The following RGS22 variants were observed in gnomAD, a reference collection of about 807,000 sequenced individuals.
RGS22 encodes regulator of G protein signaling 22.
A neutral mutation model predicts 172.9 loss-of-function variants in RGS22; 148 were observed. The ratio of observed to expected loss-of-function variants is 0.86; its 90% CI spans 0.75 to 0.98. The LOEUF is 0.98. Among genes scored for constraint, RGS22 ranks in the 50% least tolerant of loss-of-function variants. The pLI is 0.00. For synonymous variants in RGS22, 458 were observed against 480.2 expected (o/e 0.95, Z 0.60); for missense variants, 1,347 against 1,440.8 (o/e 0.93, Z 1.05).
intron 2 of RGS22, among the ~76,000 whole-genome samples, chr8:100,100,178 C>T (rs1813351832): frequency 6.6e-6 from 1 of 152,138 alleles, no homozygotes; most frequent in African/African-American, 2.4e-5. Context: ...TAACCTACAC[C>T]CAACCTCCTA....
intron 11 of RGS22, among the ~76,000 whole-genome samples, chr8:100,043,505 G>A (rs371831606): frequency 6.0e-4 from 92 of 152,264 alleles, no homozygotes; most frequent in African/African-American, 2.1e-3. Flanking sequence ...GGCTGGGCAC[G>A]GTGGCTCACG....
At chr8:100,076,845 T>G (rs1027735641) in intron 4 of RGS22, among the ~76,000 whole-genome samples, 2 of 152,082 alleles carry the variant, frequency 1.3e-5, no homozygotes, top group Admixed American at 1.3e-4. Flanking sequence ...ATGCAAAAAG[T>G]ATCTGTGCAT....
intron 23 of RGS22, among the ~76,000 whole-genome samples, chr8:99,965,809 T>C (rs929850925): frequency 6.6e-6 from 1 of 152,130 alleles, no homozygotes; most frequent in Non-Finnish European, 1.5e-5. Context: ...TTTATACAAA[T>C]AGAATCTAAC....
At chr8:100,001,202 T>TTATATATATATATATACATA (rs1554611097) in intron 18 of RGS22, among the ~76,000 whole-genome samples, 3 of 124,776 alleles carry the variant, frequency 2.4e-5, no homozygotes, top group Admixed American at 8.6e-5. Context: ...TCCCAATTTT[T>TTATATATATATATATACATA]TATATATATA....
chr8:100,045,125 T>G (rs773938984), intron 11 of RGS22, among the ~76,000 whole-genome samples: 15 of 150,960 alleles, frequency 9.9e-5, no homozygotes, highest in Non-Finnish European at 2.2e-4. Context: ...AAAAAAAAAA[T>G]TAGTCAGGCA....
intron 24 of RGS22, among the ~76,000 whole-genome samples, chr8:99,965,021 C>CTA (rs1810580919): frequency 1.3e-5 from 2 of 152,122 alleles, no homozygotes; most frequent in African/African-American, 4.8e-5. Context: ...ATACAACATC[C>CTA]TATATATATT....
At chr8:100,062,830 A>G in intron 8 of RGS22, 78 bp from the exon 9 acceptor site, 1 of 1,164,346 alleles carries the variant, frequency 8.6e-7, no homozygotes. Context: ...TTGAATATTC[A>G]GGAGAATAAA....
At chr8:100,051,512 A>T (rs1261442466) in intron 10 of RGS22, among the ~76,000 whole-genome samples, 2 of 19,484 alleles carry the variant, frequency 1.0e-4, no homozygotes, top group African/African-American at 1.9e-4. Context: ...AATATATATA[A>T]ATATATTTTT....
chr8:100,003,581 G>C (rs1269497780), intron 17 of RGS22, among the ~76,000 whole-genome samples: 1 of 151,346 alleles, frequency 6.6e-6, no homozygotes, highest in Non-Finnish European at 1.5e-5. Flanking sequence ...AATATAAAAA[G>C]GACACATTCC....
chr8:100,013,511 C>T (rs558715387), intron 14 of RGS22, among the ~76,000 whole-genome samples: 42 of 152,286 alleles, frequency 2.8e-4, no homozygotes, highest in African/African-American at 9.4e-4. Context: ...TTTAGATAGT[C>T]TACTACTATA....
At chr8:99,975,083 T>A (rs1400440547) in intron 23 of RGS22, among the ~76,000 whole-genome samples, 1 of 152,032 alleles carries the variant, frequency 6.6e-6, no homozygotes, top group African/African-American at 2.4e-5. Context: ...GAGGTGGAAG[T>A]TGCAGTGAGC....
At chr8:99,972,119 C>T (rs1010940602) in intron 23 of RGS22, among the ~76,000 whole-genome samples, 1 of 151,902 alleles carries the variant, frequency 6.6e-6, no homozygotes, top group African/African-American at 2.4e-5. Context: ...ATCTGATCTT[C>T]GACAAACCTG....
chr8:99,997,877 T>A (rs950122478), intron 19 of RGS22, among the ~76,000 whole-genome samples: 1 of 152,146 alleles, frequency 6.6e-6, no homozygotes, highest in African/African-American at 2.4e-5. Context: ...GGCAGATCTT[T>A]CTAGGTGTTT....
chr8:100,045,093 A>G (rs540106229), intron 11 of RGS22, among the ~76,000 whole-genome samples: 2 of 151,576 alleles, frequency 1.3e-5, no homozygotes, highest in East Asian at 3.9e-4. Context: ...CCTGGGCAAC[A>G]TTGAGAGAAC....
chr8:100,013,402 A>T (rs1050127646), intron 14 of RGS22, among the ~76,000 whole-genome samples: 1 of 152,092 alleles, frequency 6.6e-6, no homozygotes, highest in African/African-American at 2.4e-5. Flanking sequence ...GTGGATGCCT[A>T]CATCTATTTC....
At chr8:100,055,396 C>T (rs1008891857) in intron 9 of RGS22, among the ~76,000 whole-genome samples, 3 of 152,288 alleles carry the variant, frequency 2.0e-5, no homozygotes, top group Admixed American at 1.3e-4. Flanking sequence ...CAGGAGGTAC[C>T]TCTATGAGTT....
rs966125335 is a variant in RGS22, at chr8:100,105,383, T to A, written c.45A>T (p.Glu15Asp). 3 of 1,609,330 alleles carry A rather than the reference T, an allele frequency of 1.9e-6. No individual in the cohort carries two copies. In the African/African-American group the frequency reaches 4.0e-5, roughly 22 times the overall value. ...TTGAAATGATACTTACAAATTCTTC[T>A]TCTGTAATAGTTGGTGGCTCTGAAA... ...RLTAEPPTIT[E>D]EEFEDSLATD... The change falls in exon 2 of 28, where the codon GAA becomes GAT. Residue 15 changes from glutamate to aspartate, a missense_variant. Physicochemically the swap from Glu to Asp is conservative, Grantham distance 45. Coordinates refer to ENST00000360863, the MANE Select transcript of RGS22 (RefSeq NM_015668.5).
At chr8:100,038,867 A>G in intron 14 of RGS22, 64 bp downstream of exon 14, 2 of 1,017,450 alleles carry the variant, frequency 2.0e-6, no homozygotes, top group East Asian at 2.7e-5. Flanking sequence ...TTGGGACTGG[A>G]CACAATTTTC....
chr8:99,978,061 C>A lies in RGS22; in HGVS notation c.3375G>T (p.Gly1125=). The A allele has an allele frequency of 6.6e-7, 1 of 1,511,082 alleles. No homozygotes were observed. Among genetic ancestry groups the A allele is most frequent in the South Asian group, 1.4e-5 (1 of 72,420 alleles). The allele number at this position is 1,511,082 out of a possible 1,614,324, so 93.6% of individuals were successfully genotyped here. Residue 1125 remains glycine, a synonymous_variant, in exon 23 of 28, where the codon GGG becomes GGT. Coordinates refer to ENST00000360863, the MANE Select transcript of RGS22 (RefSeq NM_015668.5). ...VFREAQMTIF[G]VLFKFWPQFC... ...ACTGAGGCCAGAATTTAAACAGAAC[C>A]CCAAAAATTGTCATCTGTATAAAAA...
Sources: allele counts gnomAD v4.1 joint callset (sites outside exome capture counted in the v4.1 genomes callset), GRCh38; gene constraint gnomAD v4.1.1; transcripts MANE v1.5; gene names NCBI Gene and HGNC (gene_info 2026-07-23, HGNC 2026-07-21).